The following DLG2 variants were observed in gnomAD, a reference collection of about 807,000 sequenced individuals.
The protein encoded by DLG2 is discs large MAGUK scaffold protein 2.
A neutral mutation model predicts 132.5 loss-of-function variants in DLG2; 45 were observed. The observed-to-expected ratio is 0.34, with a 90% CI of 0.27 to 0.44. DLG2 has a LOEUF of 0.44. DLG2 is among the 20% of genes least tolerant of loss of function. The probability of loss-of-function intolerance (pLI) is 1.00; values close to 1 mark genes in which losing one functional copy is unlikely to be tolerated. For synonymous variants in DLG2, 424 were observed against 419.6 expected (o/e 1.01, Z -0.13); for missense variants, 1,045 against 1,196.9 (o/e 0.87, Z 1.87).
intron 6 of DLG2, among the ~76,000 whole-genome samples, chr11:84,870,226 T>C (rs2085268010): frequency 1.3e-5 from 2 of 152,128 alleles, no homozygotes; most frequent in Non-Finnish European, 2.9e-5. Context: ...CCAAAGAGAA[T>C]AGATAAAGTG....
At chr11:84,716,906 T>C (rs993108526) in intron 6 of DLG2, among the ~76,000 whole-genome samples, 2 of 152,060 alleles carry the variant, frequency 1.3e-5, no homozygotes. Context: ...TACTTACGTT[T>C]GTATCTCTAA....
At chr11:85,352,617 T>C (rs2083381644) in intron 3 of DLG2, among the ~76,000 whole-genome samples, 1 of 152,156 alleles carries the variant, frequency 6.6e-6, no homozygotes, top group Admixed American at 6.6e-5. Context: ...CAAAACAGCA[T>C]GGTACTGGTA....
At chr11:84,311,591 G>A (rs2098287707) in intron 7 of DLG2, among the ~76,000 whole-genome samples, 1 of 152,184 alleles carries the variant, frequency 6.6e-6, no homozygotes, top group African/African-American at 2.4e-5. Context: ...ATTAGTACTG[G>A]ATGAGATTTG....
intron 7 of DLG2, among the ~76,000 whole-genome samples, chr11:84,521,222 C>G (rs1254303443): frequency 6.6e-6 from 1 of 152,148 alleles, no homozygotes; most frequent in African/African-American, 2.4e-5. Flanking sequence ...TTTACTAAAG[C>G]TGAAAATTGG....
At chr11:83,855,763 C>A (rs2060439803) in intron 16 of DLG2, among the ~76,000 whole-genome samples, 1 of 151,944 alleles carries the variant, frequency 6.6e-6, no homozygotes, top group African/African-American at 2.4e-5. Flanking sequence ...TCGCTTGAAC[C>A]TGGGAGGTGG....
chr11:84,069,584 G>A (rs1566331810), intron 10 of DLG2, among the ~76,000 whole-genome samples: 1 of 152,168 alleles, frequency 6.6e-6, no homozygotes, highest in Non-Finnish European at 1.5e-5. Flanking sequence ...CTCTGAATGA[G>A]AGTAACTCGG....
chr11:85,269,761 G>C (rs1487601411), intron 4 of DLG2, among the ~76,000 whole-genome samples: 1 of 151,962 alleles, frequency 6.6e-6, no homozygotes, highest in African/African-American at 2.4e-5. Context: ...CTCTTGTTCT[G>C]TTTTGTTTTG....
chr11:85,575,108 C>CTAT, intron 3 of DLG2, among the ~76,000 whole-genome samples: 1 of 151,160 alleles, frequency 6.6e-6, no homozygotes, highest in South Asian at 2.1e-4. Flanking sequence ...AAGTCAGACC[C>CTAT]TATTATTATT....
chr11:84,119,336 A>G (rs1042522405), intron 9 of DLG2, among the ~76,000 whole-genome samples: 3 of 152,038 alleles, frequency 2.0e-5, no homozygotes, highest in Non-Finnish European at 4.4e-5. Context: ...TCATCCTAGG[A>G]TGAGTCCAAA....
At chr11:84,754,297 G>A (rs2066567678) in intron 6 of DLG2, among the ~76,000 whole-genome samples, 1 of 152,140 alleles carries the variant, frequency 6.6e-6, no homozygotes, top group South Asian at 2.1e-4. Context: ...GTAGAGATAG[G>A]AAATGAAGCA....
chr11:83,923,442 C>G (rs2078325328), intron 15 of DLG2, among the ~76,000 whole-genome samples: 2 of 152,104 alleles, frequency 1.3e-5, no homozygotes, highest in South Asian at 4.1e-4. Flanking sequence ...GGCTTCAGAC[C>G]TAGACAGTTC....
intron 2 of DLG2, among the ~76,000 whole-genome samples, chr11:85,622,250 ATTTTGG>A (rs1482280357): frequency 1.3e-5 from 2 of 152,146 alleles, no homozygotes; most frequent in Non-Finnish European, 2.9e-5. Context: ...TACAACAAAT[ATTTTGG>A]TTTCCCAGTG....
chr11:83,530,997 G>A (rs933855979), intron 21 of DLG2, among the ~76,000 whole-genome samples: 8 of 151,852 alleles, frequency 5.3e-5, no homozygotes, highest in Admixed American at 1.3e-4. Flanking sequence ...CTCATACAAC[G>A]TACAAATACT....
intron 19 of DLG2, among the ~76,000 whole-genome samples, chr11:83,596,597 A>G (rs2057624681): frequency 6.6e-6 from 1 of 152,160 alleles, no homozygotes; most frequent in African/African-American, 2.4e-5. Context: ...CAATATGTCT[A>G]CATCACTCCT....
chr11:85,005,256 C>A (rs1027101978), intron 6 of DLG2, among the ~76,000 whole-genome samples: 2 of 152,136 alleles, frequency 1.3e-5, no homozygotes, highest in Non-Finnish European at 2.9e-5. Context: ...TTTTCTAATT[C>A]TGTGAAGAAA....
intron 6 of DLG2, among the ~76,000 whole-genome samples, chr11:85,077,101 G>T (rs1052226142): frequency 2.0e-4 from 30 of 151,720 alleles, no homozygotes; most frequent in African/African-American, 7.3e-4. Context: ...CCACAGACTA[G>T]GACAATGCTT....
Position 84,703,689 on chromosome 11 carries a change from A to G in DLG2, c.358-168958T>C, listed in dbSNP as rs190128639. 1.5e-3 allele frequency among the ~76,000 whole-genome samples: 232 copies of G among 151,324 alleles called. 11 individuals carry two copies. Among genetic ancestry groups the G allele is most frequent in the Admixed American group, 0.013 (200 of 15,144 alleles). Reference sequence around the variant, plus strand: ...TTGGTAGGTAAATTTGATAACAATGAACATAAGCAAACTAGCCAAATCTTC... The same window carrying G: ...TTGGTAGGTAAATTTGATAACAATGGACATAAGCAAACTAGCCAAATCTTC... On this transcript the variant is annotated intron_variant, in intron 6 of 27. Coordinates refer to ENST00000376104, the MANE Select transcript of DLG2 (RefSeq NM_001142699.3).
chr11:83,926,123 G>A (rs182607782), intron 15 of DLG2, among the ~76,000 whole-genome samples: 26 of 150,746 alleles, frequency 1.7e-4, no homozygotes, highest in Admixed American at 3.9e-4. Context: ...TCTTTTAAAC[G>A]GTCTTACAGA....
chr11:84,664,698 T>C (rs1940065), intron 6 of DLG2, among the ~76,000 whole-genome samples: 70,781 of 151,864 alleles, frequency 0.47, 16,822 homozygotes, highest in East Asian at 0.64. Flanking sequence ...AAAAATTGTA[T>C]TGATTTTCAG....
Sources: gnomAD v4.1 joint callset for allele counts (sites outside exome capture counted in the v4.1 genomes callset) on GRCh38, gnomAD v4.1.1 for gene constraint, MANE v1.5 for transcripts, NCBI Gene and HGNC (gene_info 2026-07-23, HGNC 2026-07-21) for gene names.